Variants in TIMM13 observed in about 807,000 individuals in gnomAD.
The protein encoded by TIMM13 is mitochondrial import inner membrane translocase subunit Tim13.
A neutral mutation model predicts 10.9 loss-of-function variants in TIMM13; 8 were observed. The ratio of observed to expected loss-of-function variants is 0.73; its 90% CI spans 0.43 to 1.32. The LOEUF (loss-of-function observed/expected upper bound fraction) is 1.32, where lower values mean the gene tolerates loss of function less well. TIMM13 is among the 40% of genes most tolerant of loss of function. TIMM13 has a pLI of 0.01. For synonymous variants in TIMM13, 68 were observed against 52.5 expected, an observed-to-expected ratio of 1.30 and a Z score of -1.28; for missense variants, 147 against 132.8, an observed-to-expected ratio of 1.11 and a Z score of -0.53.
rs767136015 is a variant in TIMM13 at position 2,427,274 on chromosome 19, G to A, written c.171C>T (p.Ser57=). 5 of 1,613,434 alleles carry A rather than the reference G, an allele frequency of 3.1e-6. No individual in the cohort carries two copies. Among genetic ancestry groups the A allele is most frequent in the Middle Eastern group, 1.6e-4 (1 of 6,062 alleles). Residue 57 remains serine, a synonymous_variant, in exon 2 of 3, where the codon TCC becomes TCT. Transcript: ENST00000215570. ...FRKCIGKPGG[S]LDNSEQKCIA... ...GTCTCACCTGCTCGGAGTTGTCCAG[G>A]GAGCCCCCAGGTTTCCCTATACACT...
chr19:2,427,179 G>C (rs982994229), intron 2 of TIMM13, 77 bp downstream of exon 2: 1 of 1,583,636 alleles, frequency 6.3e-7, no homozygotes, highest in Non-Finnish European at 8.6e-7. Context: ...CTCCCCGTTA[G>C]TCTGCGCACG....
Position 2,426,252 on chromosome 19 carries a change from C to CT in TIMM13, c.*695dup. ...CCCTTTGTTCCAATAAACACAGCCCCTCCACCCTAGCTCACTGGCTCAGCA... is the reference window on the plus strand; with the variant it reads ...CCCTTTGTTCCAATAAACACAGCCCCTTCCACCCTAGCTCACTGGCTCAGCA... On this transcript the variant is annotated 3_prime_UTR_variant, in exon 3 of 3. Transcript: ENST00000215570. 2.6e-6 allele frequency: 1 copy of CT among 377,646 alleles called. No homozygotes were observed. Among genetic ancestry groups the CT allele is most frequent in the Non-Finnish European group, 3.8e-6 (1 of 264,720 alleles). The allele number at this position is 377,646 out of a possible 1,614,324, so 23.4% of individuals were successfully genotyped here. A position where few individuals can be genotyped will look rare whatever the true frequency, so the allele number is the denominator to read the frequency against.
Position 2,426,952 on chromosome 19 carries a change from A to T in TIMM13, c.284T>A (p.Met95Lys). ...GGGGTGGCCCGCGCTCGCCGGTCAC[A>T]TGTTGGCTCGTTCCCGCTGCAGCCG... ...NSRLQRERANM is the reference protein window; with the variant it reads ...NSRLQRERANK The change falls in exon 3 of 3, where the codon ATG (methionine) becomes AAG (lysine). Residue 95 changes from methionine (M) to lysine (K), a missense_variant. Transcript: ENST00000215570. 1 of 1,592,880 alleles carries T rather than the reference A, an allele frequency of 6.3e-7. No homozygotes were observed. The highest frequency in any genetic ancestry group is 8.5e-7 in the Non-Finnish European group (1 of 1,170,476).
At chr19:2,427,388 G>A (rs1478553992) in intron 1 of TIMM13, 26 bp downstream of exon 1, 12 of 1,611,756 alleles carry the variant, frequency 7.4e-6, no homozygotes, top group Admixed American at 1.7e-5. Flanking sequence ...GTCGCCCCCA[G>A]CGCCCGTCCC....
chr19:2,427,272 A>G lies in TIMM13; in HGVS notation c.173T>C (p.Leu58Pro), dbSNP rs1160936656. The G allele has an allele frequency of 2.5e-6, 4 of 1,613,074 alleles. No individual in the cohort carries two copies. Among genetic ancestry groups the G allele is most frequent in the African/African-American group, 1.3e-5 (1 of 74,856 alleles). Residue 58 changes from leucine to proline, a missense_variant, in exon 2 of 3, where the codon CTG (leucine) becomes CCG (proline). Leu to Pro is a moderately conservative substitution (Grantham distance 98). Coordinates refer to ENST00000215570, the MANE Select transcript of TIMM13 (RefSeq NM_012458.4). ...RKCIGKPGGS[L>P]DNSEQKCIAM... ...GGGTCTCACCTGCTCGGAGTTGTCCAGGGAGCCCCCAGGTTTCCCTATACA... is the reference window on the plus strand; with the variant it reads ...GGGTCTCACCTGCTCGGAGTTGTCCGGGGAGCCCCCAGGTTTCCCTATACA...
rs766197263 is a variant in TIMM13, at chr19:2,427,049, G to A, written c.190-3C>T. The A allele has an allele frequency of 1.2e-6, 2 of 1,607,988 alleles. No homozygotes were observed. Among genetic ancestry groups the A allele is most frequent in the East Asian group, 2.2e-5 (1 of 44,646 alleles). On this transcript the variant is annotated splice_polypyrimidine_tract_variant and splice_region_variant and intron_variant, in intron 2 of 2. Coordinates refer to ENST00000215570, the MANE Select transcript of TIMM13 (RefSeq NM_012458.4). ...TCCATGCACATGGCGATGCACTTCT[G>A]CGGGAGCGGAGGGGCGCACGGCTCA...
At position 2,427,554 on chromosome 19, in the gene TIMM13, A is replaced by T. The variant is rs371230581; in HGVS notation, c.-21T>A. The T allele has an allele frequency of 4.4e-6, 7 of 1,583,350 alleles. No individual in the cohort carries two copies. The highest frequency in any genetic ancestry group is 6.0e-6 in the Non-Finnish European group (7 of 1,166,136). Reference sequence around the variant, plus strand: ...TCCATGGCTCCGCAAAGTCAACCGGACCGAGGCCGCGTGCGCCGACTCGTA... The same window carrying T: ...TCCATGGCTCCGCAAAGTCAACCGGTCCGAGGCCGCGTGCGCCGACTCGTA... On this transcript the variant is annotated 5_prime_UTR_variant, in exon 1 of 3. Coordinates refer to ENST00000215570, the MANE Select transcript of TIMM13 (RefSeq NM_012458.4).
chr19:2,427,125 C>T, intron 2 of TIMM13, 79 bp from the exon 3 acceptor site: 1 of 1,575,974 alleles, frequency 6.3e-7, no homozygotes, highest in Non-Finnish European at 8.7e-7. Flanking sequence ...CTCCAGGACG[C>T]CCGGGCTGCA....
Position 2,426,783 on chromosome 19 carries a change from C to G in TIMM13, c.*165G>C. On this transcript the variant is annotated 3_prime_UTR_variant, in exon 3 of 3. Coordinates refer to ENST00000215570, the MANE Select transcript of TIMM13 (RefSeq NM_012458.4). ...CCACACCCCCGAGATCCAAGCTGCACTGGCTGGCAGGGGGCAGGGCGGGGG... is the reference window on the plus strand; with the variant it reads ...CCACACCCCCGAGATCCAAGCTGCAGTGGCTGGCAGGGGGCAGGGCGGGGG... 8.2e-6 allele frequency: 6 copies of G among 729,280 alleles called. No homozygotes were observed. Among genetic ancestry groups the G allele is most frequent in the Admixed American group, 4.5e-5 (2 of 44,532 alleles). 45.2% of individuals were successfully genotyped at this position (729,280 alleles called of 1,614,324 possible). A position where few individuals can be genotyped will look rare whatever the true frequency, so the allele number is the denominator to read the frequency against.
chr19:2,426,022 C>T lies in TIMM13; in HGVS notation c.*926G>A, dbSNP rs1291651157. 42 of 1,608,240 alleles carry T rather than the reference C, an allele frequency of 2.6e-5. No individual in the cohort carries two copies. Among genetic ancestry groups the T allele is most frequent in the Non-Finnish European group, 3.6e-5 (42 of 1,178,126 alleles). ...GGGGCTATGGCTGTGGCCGGCCCCA[C>T]TTCCCAGGTGTCTATACCCGGGTGG... On this transcript the variant is annotated 3_prime_UTR_variant, in exon 3 of 3. Transcript: ENST00000215570.
rs777294071 is a variant in TIMM13, at chr19:2,427,249, G to T, written c.189+7C>A. ...CGACCCTTGCCCCGAACCTCCGCGG[G>T]TCTCACCTGCTCGGAGTTGTCCAGG... is the stretch of plus-strand genomic sequence containing the variant. On this transcript the variant is annotated splice_region_variant and intron_variant, in intron 2 of 2. Transcript: ENST00000215570. 27 of 1,612,864 alleles carry T rather than the reference G, an allele frequency of 1.7e-5. No homozygotes were observed. Among genetic ancestry groups the T allele is most frequent in the African/African-American group, 2.7e-5 (2 of 74,908 alleles).
chr19:2,427,110 C>T, intron 2 of TIMM13, 64 bp from the exon 3 acceptor site: 1 of 1,584,234 alleles, frequency 6.3e-7, no homozygotes, highest in Admixed American at 1.7e-5. Flanking sequence ...CCGCCCTGAC[C>T]CCGGCTCCAG....
Position 2,426,784 on chromosome 19 carries a change from TG to T in TIMM13, c.*163del. The T allele has an allele frequency of 1.4e-6, 1 of 727,802 alleles. No individual in the cohort carries two copies. Among genetic ancestry groups the T allele is most frequent in the Admixed American group, 2.2e-5 (1 of 44,480 alleles). 45.1% of individuals were successfully genotyped at this position (727,802 alleles called of 1,614,324 possible). A position where few individuals can be genotyped will look rare whatever the true frequency, so the allele number is the denominator to read the frequency against. ...CACACCCCCGAGATCCAAGCTGCACTGGCTGGCAGGGGGCAGGGCGGGGGGT... is the reference window on the plus strand; with the variant it reads ...CACACCCCCGAGATCCAAGCTGCACTGCTGGCAGGGGGCAGGGCGGGGGGT... On this transcript the variant is annotated 3_prime_UTR_variant, in exon 3 of 3. Transcript: ENST00000215570.
intron 2 of TIMM13, 87 bp downstream of exon 2, chr19:2,427,169 C>A (rs959031908): frequency 3.2e-6 from 5 of 1,576,718 alleles, no homozygotes; most frequent in Non-Finnish European, 4.3e-6. Flanking sequence ...TCCGTCGCAC[C>A]TCCCCGTTAG....
chr19:2,426,547 GAAAT>G lies in TIMM13; in HGVS notation c.*397_*400del, dbSNP rs1971639979. On this transcript the variant is annotated 3_prime_UTR_variant, in exon 3 of 3. Transcript: ENST00000215570. The stretch of plus-strand genomic sequence containing the variant: ...CTCTTCCCAGAGACCCCTCAGGAGG[GAAAT>G]AAAGAGGTTTCTCTCCGTCCTCCAC... The G allele has an allele frequency of 2.3e-5, 7 of 304,662 alleles. No individual in the cohort carries two copies. The South Asian group carries it at 3.1e-4, about 13-fold the overall frequency. The allele number at this position is 304,662 out of a possible 1,614,324, so 18.9% of individuals were successfully genotyped here.
rs202106886 is a variant in TIMM13, at chr19:2,426,130, A to G, written c.*818T>C. On this transcript the variant is annotated 3_prime_UTR_variant, in exon 3 of 3. Coordinates refer to ENST00000215570, the MANE Select transcript of TIMM13 (RefSeq NM_012458.4). Reference sequence around the variant, plus strand: ...CAGGCCGAGACTCTACGTGAAAGCAACAGGAGCAGCAGGCCACCCAACACC... The same window carrying G: ...CAGGCCGAGACTCTACGTGAAAGCAGCAGGAGCAGCAGGCCACCCAACACC... 2.0e-4 allele frequency: 304 copies of G among 1,502,634 alleles called. 2 individuals are homozygous for G. The African/African-American group carries it at 5.3e-3, about 26-fold the overall frequency. The allele number at this position is 1,502,634 out of a possible 1,614,324, so 93.1% of individuals were successfully genotyped here.
intron 2 of TIMM13, 102 bp downstream of exon 2, chr19:2,427,154 A>G (rs12609742): frequency 0.31 from 487,404 of 1,564,880 alleles, 79,162 homozygotes; most frequent in African/African-American, 0.54. Flanking sequence ...ACGTGCAGTG[A>G]CCACTCCGTC....
In TIMM13 at chr19:2,425,652, T is replaced by G; in HGVS notation, c.*1296A>C. The G allele has an allele frequency of 7.4e-7, 1 of 1,344,086 alleles. No homozygotes were observed. The highest frequency in any genetic ancestry group is 9.6e-7 in the Non-Finnish European group (1 of 1,037,552). The allele number at this position is 1,344,086 out of a possible 1,614,324, so 83.3% of individuals were successfully genotyped here. A position where few individuals can be genotyped will look rare whatever the true frequency, so the allele number is the denominator to read the frequency against. On this transcript the variant is annotated 3_prime_UTR_variant, in exon 3 of 3. Coordinates refer to ENST00000215570, the MANE Select transcript of TIMM13 (RefSeq NM_012458.4). ...TTTTTGGCTCTGGAGGAATTTCCAC[T>G]CCACAGCCGTTTATTGGGCAACCCA...
chr19:2,427,205 C>A, intron 2 of TIMM13, 51 bp downstream of exon 2: 4 of 1,596,312 alleles, frequency 2.5e-6, no homozygotes, highest in Middle Eastern at 1.7e-4. Context: ...ACACCTCCCC[C>A]CTCGAATCTA....
Sources: allele counts gnomAD v4.1 joint callset, GRCh38; gene constraint gnomAD v4.1.1; transcripts MANE v1.5; gene names NCBI Gene and HGNC (gene_info 2026-07-23, HGNC 2026-07-21).